HNRNPA3: variants seen among roughly 807,000 people sequenced by gnomAD.
HNRNPA3 encodes epididymis secretory sperm binding protein.
In HNRNPA3, 3 loss-of-function variants were observed where a neutral mutation model predicts 45.8. That is an observed-to-expected ratio of 0.07 (90% CI 0.03 to 0.17). The LOEUF is 0.17. Among genes scored for constraint, HNRNPA3 ranks in the 10% least tolerant of loss-of-function variants. The probability of loss-of-function intolerance (pLI) is 1.00; values close to 1 mark genes in which losing one functional copy is unlikely to be tolerated. For missense variants in HNRNPA3, 183 were observed against 480.3 expected (o/e 0.38, Z 5.79); for synonymous variants, 170 against 155.6 (o/e 1.09, Z -0.69).
At chr2:177,215,501 C>T (rs532677240) in intron 1 of HNRNPA3, 38 bp from the exon 2 acceptor site, 2 of 1,606,916 alleles carry the variant, frequency 1.2e-6, no homozygotes, top group East Asian at 2.2e-5. Context: ...AATTCATCTA[C>T]TGTAAGGTAA....
At chr2:177,221,510 T>A (rs1188518437), downstream of HNRNPA3, 2 of 152,666 alleles carry the variant, frequency 1.3e-5, no homozygotes, top group African/African-American at 4.8e-5. Flanking sequence ...TGAAAACATT[T>A]ACAGTAAGTT....
intron 10 of HNRNPA3, 31 bp downstream of exon 10, chr2:177,219,345 TAAAAG>T: frequency 6.8e-7 from 1 of 1,478,860 alleles, no homozygotes; most frequent in Non-Finnish European, 9.4e-7. Context: ...ATTATGATGA[TAAAAG>T]AATATGTGGA....
chr2:177,223,103 A>G (rs983417925), downstream of HNRNPA3: 1 of 152,522 alleles, frequency 6.6e-6, no homozygotes, highest in Non-Finnish European at 1.5e-5. Context: ...TGAAAATGCA[A>G]ACTAGTTTCT....
At chr2:177,218,059 T>C (rs894959340) in intron 8 of HNRNPA3, among the ~76,000 whole-genome samples, 254 of 16,178 alleles carry the variant, frequency 0.016, no homozygotes, top group Admixed American at 0.026. Context: ...TTTCTTTTTT[T>C]TTTTTTTTTT....
At chr2:177,219,071 T>C (rs1229327075) in exon 9 of HNRNPA3, 3 of 1,613,904 alleles carry the variant, frequency 1.9e-6, no homozygotes, top group Non-Finnish European at 2.5e-6. Context: ...ATAATGATTT[T>C]GGAAATTATA....
chr2:177,214,857 G>A (rs1688862666), intron 1 of HNRNPA3, among the ~76,000 whole-genome samples: 1 of 152,170 alleles, frequency 6.6e-6, no homozygotes, highest in South Asian at 2.1e-4. Flanking sequence ...GAGTTGAAAT[G>A]GGATAGATGC....
At chr2:177,216,876 A>T in exon 7 of HNRNPA3, 9 of 1,609,178 alleles carry the variant, frequency 5.6e-6, no homozygotes, top group Non-Finnish European at 7.6e-6. Flanking sequence ...ATGGTGGTGG[A>T]GGTGGTGGCA....
At chr2:177,219,545 T>TA (rs1689098454) in exon 11 of HNRNPA3, 1 of 420,616 alleles carries the variant, frequency 2.4e-6, no homozygotes. Flanking sequence ...TCAGAAAAGT[T>TA]ACTGCAGCTT....
downstream of HNRNPA3, chr2:177,222,564 T>C (rs901930746): frequency 6.6e-6 from 1 of 152,190 alleles, no homozygotes; most frequent in Non-Finnish European, 1.5e-5. Context: ...TCCCAGCACT[T>C]TGGGAGGCTG....
intron 8 of HNRNPA3, 81 bp from the exon 9 acceptor site, chr2:177,218,956 A>G (rs1689076887): frequency 6.5e-7 from 1 of 1,540,690 alleles, no homozygotes; most frequent in South Asian, 1.2e-5. Flanking sequence ...CATAATTCTC[A>G]AAAGATAATA....
rs1689000569 is a variant in HNRNPA3, at chr2:177,217,618, C to T, written c.821-87C>T. ...CTTGAGCCCGGGCAACAGAGCAAGA[C>T]CCAGTCTCTTACACACACACCAGAA... On this transcript the variant is annotated intron_variant, in intron 7 of 10. Transcript: ENST00000392524. 4 of 1,525,884 alleles carry T rather than the reference C, an allele frequency of 2.6e-6. No homozygotes were observed. The South Asian group carries it at 3.4e-5, about 13-fold the overall frequency. The allele number at this position is 1,525,884 out of a possible 1,614,324, so 94.5% of individuals were successfully genotyped here.
intron 1 of HNRNPA3, 58 bp from the exon 2 acceptor site, chr2:177,215,481 C>A (rs1346539815): frequency 1.3e-6 from 2 of 1,540,426 alleles, no homozygotes; most frequent in Admixed American, 1.7e-5. Context: ...AAAGGCTCTT[C>A]GTGCATCTTA....
At chr2:177,217,361 A>G (rs1688985171) in intron 7 of HNRNPA3, among the ~76,000 whole-genome samples, 1 of 152,256 alleles carries the variant, frequency 6.6e-6, no homozygotes, top group East Asian at 1.9e-4. Flanking sequence ...TAAATGTAAT[A>G]TAAAACCAGA....
downstream of HNRNPA3, chr2:177,222,924 T>TG (rs1276771773): frequency 1.3e-5 from 2 of 152,620 alleles, no homozygotes; most frequent in Admixed American, 6.5e-5. Flanking sequence ...TGTTAAGCAG[T>TG]GGGGGCCTAA....
intron 8 of HNRNPA3, 87 bp downstream of exon 8, chr2:177,217,932 G>A (rs1234074769): frequency 1.7e-5 from 22 of 1,281,662 alleles, no homozygotes; most frequent in African/African-American, 7.7e-5. Context: ...TGTTAAAAGC[G>A]TTTGATCAAA....
intron 1 of HNRNPA3, among the ~76,000 whole-genome samples, chr2:177,214,790 G>A (rs923907784): frequency 1.3e-5 from 2 of 152,202 alleles, no homozygotes; most frequent in African/African-American, 2.4e-5. Flanking sequence ...GCGAGACTCA[G>A]TCTCAAAAAC....
At chr2:177,217,844 T>A (rs781436682) in exon 8 of HNRNPA3, 1 of 1,573,000 alleles carries the variant, frequency 6.4e-7, no homozygotes, top group Non-Finnish European at 8.6e-7. Flanking sequence ...ATTTTGGCGG[T>A]GGTAAGCATT....
downstream of HNRNPA3, chr2:177,223,152 A>AGTTTAGTCTCAGAAAATGACTG (rs1164092524): frequency 1.3e-5 from 2 of 152,272 alleles, no homozygotes; most frequent in African/African-American, 2.4e-5. Flanking sequence ...AGTTTGCCAG[A>AGTTTAGTCTCAGAAAATGACTG]GTTTAGTCTC....
rs200595420 is a variant in HNRNPA3, at chr2:177,215,961, T to C, written c.343-17T>C. ...TGAAAGTTTGTTTCTTGACTTAATA[T>C]ATTACTTTATTTGTAGGATTCTGTA... On this transcript the variant is annotated splice_polypyrimidine_tract_variant and intron_variant, in intron 3 of 10. Transcript: ENST00000392524. 155 of 1,600,584 alleles carry C rather than the reference T, an allele frequency of 9.7e-5. 1 individual carries two copies. In the East Asian group the frequency reaches 3.4e-3, roughly 35 times the overall value.
Sources: gnomAD v4.1 joint callset for allele counts (sites outside exome capture counted in the v4.1 genomes callset) on GRCh38, gnomAD v4.1.1 for gene constraint, MANE v1.5 for transcripts, NCBI Gene and HGNC (gene_info 2026-07-23, HGNC 2026-07-21) for gene names.